Variants in ANKFN1 observed in about 807,000 individuals in gnomAD.
ANKFN1 encodes ankyrin repeat and fibronectin type-III domain-containing protein 1.
ANKFN1 carries 74 observed loss-of-function variants against 108.7 expected under a neutral mutation model. The observed-to-expected ratio is 0.68, with a 90% CI of 0.56 to 0.83. The LOEUF (loss-of-function observed/expected upper bound fraction) is 0.83. ANKFN1 is among the 40% of genes least tolerant of loss of function. The pLI is 0.00. For missense variants in ANKFN1, 1,505 were observed against 1,382.3 expected (o/e 1.09, Z -1.41); for synonymous variants, 547 against 516.2 (o/e 1.06, Z -0.81).
intron 10 of ANKFN1, among the ~76,000 whole-genome samples, chr17:56,444,114 A>G (rs2049204090): frequency 6.6e-6 from 1 of 152,204 alleles, no homozygotes; most frequent in Admixed American, 6.5e-5. Context: ...GGGAGAACAA[A>G]TATCCAGTAT....
intron 1 of ANKFN1, among the ~76,000 whole-genome samples, chr17:56,178,828 G>A (rs1354170742): frequency 6.6e-6 from 1 of 152,074 alleles, no homozygotes; most frequent in Non-Finnish European, 1.5e-5. Flanking sequence ...GCAACGTGTA[G>A]CATTTGCCAA....
intron 4 of ANKFN1, among the ~76,000 whole-genome samples, chr17:56,144,309 GTA>G (rs1567802844): frequency 6.6e-6 from 1 of 152,090 alleles, no homozygotes; most frequent in East Asian, 1.9e-4. Flanking sequence ...AAAATCAAGA[GTA>G]CACCACAGGT....
intron 10 of ANKFN1, among the ~76,000 whole-genome samples, chr17:56,446,800 G>A (rs1342907622): frequency 6.6e-6 from 1 of 151,978 alleles, no homozygotes; most frequent in Non-Finnish European, 1.5e-5. Flanking sequence ...AGCTACTAGG[G>A]AGGCTGAGGC....
chr17:56,257,266 G>A (rs74402061), intron 3 of ANKFN1, among the ~76,000 whole-genome samples: 1,610 of 152,288 alleles, frequency 0.011, 13 homozygotes, highest in South Asian at 0.035. Context: ...ACCGACACTA[G>A]AGGGCTAAGT....
At chr17:56,510,375 C>T in intron 20 of ANKFN1, 98 bp from the exon 21 acceptor site, 1 of 1,007,478 alleles carries the variant, frequency 9.9e-7, no homozygotes, top group South Asian at 1.7e-5. Context: ...AAGCACAGGC[C>T]CCTTCTAAGT....
intron 4 of ANKFN1, among the ~76,000 whole-genome samples, chr17:56,134,375 C>G (rs1345510877): frequency 2.0e-5 from 3 of 152,150 alleles, no homozygotes; most frequent in Non-Finnish European, 4.4e-5. Flanking sequence ...CCATTTCCAG[C>G]CACTCTCCCC....
chr17:56,253,083 G>A (rs2043275281), intron 3 of ANKFN1, among the ~76,000 whole-genome samples: 1 of 152,144 alleles, frequency 6.6e-6, no homozygotes, highest in Non-Finnish European at 1.5e-5. Context: ...AATAATTGAT[G>A]TAATCTAGAG....
intron 17 of ANKFN1, 26 bp from the exon 18 acceptor site, chr17:56,482,330 T>G (rs752482484): frequency 6.5e-7 from 1 of 1,549,356 alleles, no homozygotes; most frequent in Middle Eastern, 1.8e-4. Flanking sequence ...CTCTCCTATT[T>G]TTCCTCCGCG....
chr17:56,069,521 G>T (rs1359764777), intron 4 of ANKFN1, among the ~76,000 whole-genome samples: 2 of 152,174 alleles, frequency 1.3e-5, no homozygotes, highest in Admixed American at 1.3e-4. Context: ...AAGTATGTTG[G>T]TGCATCTTGG....
At chr17:56,090,555 G>A (rs1224225163) in intron 4 of ANKFN1, among the ~76,000 whole-genome samples, 2 of 151,182 alleles carry the variant, frequency 1.3e-5, no homozygotes, top group Non-Finnish European at 3.0e-5. Context: ...CACAAACACT[G>A]TCTACTCTAG....
Position 56,513,151 on chromosome 17 carries a change from T to C in ANKFN1, c.*1882T>C, listed in dbSNP as rs538843680. ...CTCAGAGTTAGGGTCAGAACTAGAA[T>C]TATTCCCTTTATAGCAGGCCGTCCC... On this transcript the variant is annotated 3_prime_UTR_variant, in exon 21 of 21. Transcript: ENST00000682825. Among the ~76,000 whole-genome samples, 82 of 152,206 alleles carry C rather than the reference T, an allele frequency of 5.4e-4. No homozygotes were observed. The highest frequency in any genetic ancestry group is 1.1e-3 in the Non-Finnish European group (75 of 68,038).
chr17:56,316,872 A>G (rs1476388242), intron 3 of ANKFN1, among the ~76,000 whole-genome samples: 1 of 152,204 alleles, frequency 6.6e-6, no homozygotes, highest in Non-Finnish European at 1.5e-5. Context: ...TAATAGAAAC[A>G]TCTTGTTGGC....
intron 4 of ANKFN1, among the ~76,000 whole-genome samples, chr17:56,132,452 A>G (rs1222055773): frequency 6.6e-6 from 1 of 152,094 alleles, no homozygotes; most frequent in African/African-American, 2.4e-5. Context: ...ATTTCATAAG[A>G]GATTCAATCT....
chr17:56,189,179 T>TTTTTTTTTTTTGTTTTG (rs1244013476), intron 1 of ANKFN1, among the ~76,000 whole-genome samples: 10 of 111,378 alleles, frequency 9.0e-5, no homozygotes, highest in African/African-American at 4.4e-4. Context: ...ACTTTTTTTT[T>TTTTTTTTTTTTGTTTTG]TTTTTTTTTG....
chr17:56,364,988 G>A (rs8073983), intron 6 of ANKFN1, among the ~76,000 whole-genome samples: 1 of 151,966 alleles, frequency 6.6e-6, no homozygotes, highest in Non-Finnish European at 1.5e-5. Context: ...GGATAAATTG[G>A]AACTATGTTT....
intron 15 of ANKFN1, chr17:56,472,634 A>C (rs902353594): frequency 6.6e-6 from 1 of 152,270 alleles, no homozygotes; most frequent in African/African-American, 2.4e-5. Flanking sequence ...GAATAAGTCA[A>C]GGTCCCTACT....
intron 4 of ANKFN1, among the ~76,000 whole-genome samples, chr17:56,075,571 C>T (rs1905172170): frequency 6.6e-6 from 1 of 151,878 alleles, no homozygotes; most frequent in African/African-American, 2.4e-5. Flanking sequence ...ATGAGGGGCC[C>T]CTTTGCAGTC....
intron 8 of ANKFN1, among the ~76,000 whole-genome samples, chr17:56,414,744 G>T (rs1433294278): frequency 6.6e-6 from 1 of 152,110 alleles, no homozygotes; most frequent in Non-Finnish European, 1.5e-5. Context: ...AAAAGGCTAG[G>T]CATGGTGGCT....
At chr17:56,236,873 G>A (rs930616108) in intron 3 of ANKFN1, among the ~76,000 whole-genome samples, 1 of 152,122 alleles carries the variant, frequency 6.6e-6, no homozygotes, top group Non-Finnish European at 1.5e-5. Context: ...AATGCTTCCA[G>A]CTTTTGCCCT....
Sources: allele counts gnomAD v4.1 joint callset (sites outside exome capture counted in the v4.1 genomes callset), GRCh38; gene constraint gnomAD v4.1.1; transcripts MANE v1.5; gene names NCBI Gene and HGNC (gene_info 2026-07-23, HGNC 2026-07-21).